The following MEGF11 variants were observed in gnomAD, a reference collection of about 807,000 sequenced individuals.
MEGF11 encodes multiple EGF like domains 11, also known as multiple epidermal growth factor-like domains protein 11.
In MEGF11, 126 loss-of-function variants were observed where a neutral mutation model predicts 146.6. The observed-to-expected ratio is 0.86, with a 90% CI of 0.74 to 1.00. The LOEUF (loss-of-function observed/expected upper bound fraction) is 1.00. Among genes scored for constraint, MEGF11 ranks in the 50% least tolerant of loss-of-function variants. The probability of loss-of-function intolerance (pLI) is 0.00; values close to 1 mark genes in which losing one functional copy is unlikely to be tolerated. For missense variants in MEGF11, 1,509 were observed against 1,521.2 expected (o/e 0.99, Z 0.13); for synonymous variants, 532 against 583.4 (o/e 0.91, Z 1.27).
intron 1 of MEGF11, among the ~76,000 whole-genome samples, chr15:66,141,969 G>A (rs1257767773): frequency 6.6e-6 from 1 of 151,916 alleles, no homozygotes; most frequent in Non-Finnish European, 1.5e-5. Context: ...TTGGGTCGGT[G>A]GGGGGATCGG....
At chr15:66,156,926 C>T (rs1045874660) in intron 1 of MEGF11, among the ~76,000 whole-genome samples, 7 of 152,136 alleles carry the variant, frequency 4.6e-5, no homozygotes, top group Non-Finnish European at 8.8e-5. Context: ...CCCTTCCCAC[C>T]GGCCTTGGAA....
chr15:66,208,841 C>T (rs543433665), intron 1 of MEGF11, among the ~76,000 whole-genome samples: 12 of 151,962 alleles, frequency 7.9e-5, no homozygotes, highest in Admixed American at 4.6e-4. Context: ...CATGCCATTG[C>T]GCTCCAGCCT....
At chr15:66,228,556 G>T (rs2091899869) in intron 1 of MEGF11, among the ~76,000 whole-genome samples, 1 of 152,124 alleles carries the variant, frequency 6.6e-6, no homozygotes, top group Non-Finnish European at 1.5e-5. Context: ...CGAGCTCTTG[G>T]GCCCCAGAAA....
intron 5 of MEGF11, among the ~76,000 whole-genome samples, chr15:66,014,094 A>G (rs1399744532): frequency 6.6e-6 from 1 of 152,224 alleles, no homozygotes; most frequent in Non-Finnish European, 1.5e-5. Flanking sequence ...AAGTTAGGCG[A>G]TGGTCCAGGC....
chr15:66,068,478 A>G (rs377175887), intron 5 of MEGF11, among the ~76,000 whole-genome samples: 2 of 152,308 alleles, frequency 1.3e-5, no homozygotes, highest in East Asian at 1.9e-4. Context: ...TGGCATTAAA[A>G]ACCATTGATC....
intron 1 of MEGF11, among the ~76,000 whole-genome samples, chr15:66,239,197 C>A (rs532703552): frequency 3.1e-4 from 47 of 152,312 alleles, no homozygotes; most frequent in Middle Eastern, 3.4e-3. Context: ...ATGGGGGACT[C>A]AGCCTCCTCA....
chr15:66,079,536 C>CA (rs2085744903), intron 5 of MEGF11, among the ~76,000 whole-genome samples: 1 of 48,596 alleles, frequency 2.1e-5, no homozygotes, highest in Admixed American at 2.2e-4. Flanking sequence ...CCTTCATTCA[C>CA]ACCCCCCCCC....
rs1409603294 is a variant in MEGF11, at chr15:66,232,638, C to T, written c.-9+20967G>A. On this transcript the variant is annotated intron_variant, in intron 1 of 25. Transcript: ENST00000395614. ...TCTGAACCCTGGCCTTCATTTTCTGCTTCATCATACCACCCCCAGGAGAAC... is the reference window on the plus strand; with the variant it reads ...TCTGAACCCTGGCCTTCATTTTCTGTTTCATCATACCACCCCCAGGAGAAC... Among the ~76,000 whole-genome samples, 53 of 152,202 alleles carry T rather than the reference C, an allele frequency of 3.5e-4. 1 individual carries two copies. The highest frequency in any genetic ancestry group is 5.9e-5 in the Non-Finnish European group (4 of 68,040).
rs537167963 is a variant in MEGF11 at position 65,895,465 on chromosome 15, T to C, written c.*2469A>G. 1 of 152,808 alleles carries C rather than the reference T, an allele frequency of 6.5e-6. No homozygotes were observed. The highest frequency in any genetic ancestry group is 2.4e-5 in the African/African-American group (1 of 41,598). 9.5% of individuals were successfully genotyped at this position (152,808 alleles called of 1,614,324 possible). On this transcript the variant is annotated 3_prime_UTR_variant, in exon 26 of 26. Transcript: ENST00000395614. ...TTCATTTTAATTGTACACATATTAA[T>C]TTTTTGAAAATTTAGTTTCTGAAAA...
chr15:66,215,912 G>A (rs1013724947), intron 1 of MEGF11, among the ~76,000 whole-genome samples: 2 of 152,152 alleles, frequency 1.3e-5, no homozygotes, highest in Non-Finnish European at 2.9e-5. Flanking sequence ...TTGAACTTCA[G>A]TGAGAGACTT....
At chr15:66,033,465 C>G (rs187632222) in intron 5 of MEGF11, among the ~76,000 whole-genome samples, 65 of 152,370 alleles carry the variant, frequency 4.3e-4, no homozygotes, top group African/African-American at 1.6e-3. Flanking sequence ...GGCCCAGGTG[C>G]AGCTTTGGCC....
At chr15:65,920,944 T>C (rs2079153509) in intron 15 of MEGF11, among the ~76,000 whole-genome samples, 1 of 152,238 alleles carries the variant, frequency 6.6e-6, no homozygotes. Flanking sequence ...ACTATCTGTA[T>C]TGATGGCCTA....
chr15:66,222,207 C>T (rs539290274), intron 1 of MEGF11, among the ~76,000 whole-genome samples: 1 of 152,102 alleles, frequency 6.6e-6, no homozygotes, highest in South Asian at 2.1e-4. Context: ...ACTCTGTGAC[C>T]CTCAGCACAC....
At chr15:65,955,283 C>T (rs1301202805) in intron 10 of MEGF11, among the ~76,000 whole-genome samples, 4 of 152,088 alleles carry the variant, frequency 2.6e-5, no homozygotes, top group African/African-American at 7.2e-5. Context: ...AAAAAATGTA[C>T]ACTAACAAAG....
At chr15:65,995,825 G>A (rs1478969056) in intron 5 of MEGF11, among the ~76,000 whole-genome samples, 12 of 152,210 alleles carry the variant, frequency 7.9e-5, no homozygotes, top group Non-Finnish European at 8.8e-5. Flanking sequence ...GTTGGCGCCT[G>A]CTGGCTGTAT....
At chr15:66,064,873 T>C (rs1351334573) in intron 5 of MEGF11, among the ~76,000 whole-genome samples, 3 of 152,126 alleles carry the variant, frequency 2.0e-5, no homozygotes, top group Non-Finnish European at 4.4e-5. Context: ...TATTGTTCCA[T>C]CATCTTATAG....
chr15:65,950,116 G>A (rs180912697), intron 10 of MEGF11, among the ~76,000 whole-genome samples: 22 of 152,248 alleles, frequency 1.4e-4, no homozygotes, highest in African/African-American at 4.3e-4. Flanking sequence ...ACCCCTTGGT[G>A]TAAATAACAA....
At chr15:66,119,716 C>T (rs1567250717) in intron 3 of MEGF11, among the ~76,000 whole-genome samples, 1 of 152,118 alleles carries the variant, frequency 6.6e-6, no homozygotes, top group Non-Finnish European at 1.5e-5. Flanking sequence ...TTAATCTCCC[C>T]CACACCAAAA....
intron 15 of MEGF11, among the ~76,000 whole-genome samples, chr15:65,921,095 C>A (rs2079157573): frequency 6.6e-6 from 1 of 152,188 alleles, no homozygotes; most frequent in Non-Finnish European, 1.5e-5. Context: ...ATGTAGTAAA[C>A]TTTCTATTCA....
Sources: gnomAD v4.1 joint callset for allele counts (sites outside exome capture counted in the v4.1 genomes callset) on GRCh38, gnomAD v4.1.1 for gene constraint, MANE v1.5 for transcripts, NCBI Gene and HGNC (gene_info 2026-07-23, HGNC 2026-07-21) for gene names.